The following PTPRD variants were observed in gnomAD, a reference collection of about 807,000 sequenced individuals.
PTPRD encodes the protein protein tyrosine phosphatase receptor type D, also known as receptor-type tyrosine-protein phosphatase delta.
In PTPRD, 34 loss-of-function variants were observed where a neutral mutation model predicts 214.5. That is an observed-to-expected ratio of 0.16 (90% CI 0.12 to 0.21). PTPRD has a LOEUF of 0.21. PTPRD is among the 10% of genes least tolerant of loss of function. PTPRD has a pLI of 1.00. For synonymous variants in PTPRD, 1,128 were observed against 845.7 expected, an observed-to-expected ratio of 1.33 and a Z score of -5.79; for missense variants, 2,545 against 2,398.7, an observed-to-expected ratio of 1.06 and a Z score of -1.27.
chr9:9,877,973 C>CAAA (rs758528718), intron 5 of PTPRD, among the ~76,000 whole-genome samples: 1,743 of 70,274 alleles, frequency 0.025, 86 homozygotes, highest in African/African-American at 0.084. Flanking sequence ...AACTCCATCT[C>CAAA]AAAAAAAAAA....
intron 7 of PTPRD, among the ~76,000 whole-genome samples, chr9:9,682,136 A>C (rs2097086947): frequency 6.6e-6 from 1 of 151,710 alleles, no homozygotes; most frequent in Non-Finnish European, 1.5e-5. Flanking sequence ...CCTGGCACTA[A>C]TCTTAATGAA....
Position 9,240,922 on chromosome 9 carries a change from T to C in PTPRD, c.-202-57559A>G, listed in dbSNP as rs1409463551. ...GGTTTTTATTTAAAAGCACTGTCAATCAGCTGAGGTCCAAACTTGTTTCTT... is the reference window on the plus strand; with the variant it reads ...GGTTTTTATTTAAAAGCACTGTCAACCAGCTGAGGTCCAAACTTGTTTCTT... On this transcript the variant is annotated intron_variant, in intron 9 of 45. Transcript: ENST00000381196. Among the ~76,000 whole-genome samples the C allele has an allele frequency of 2.0e-5, 3 of 152,238 alleles. No individual in the cohort carries two copies. In the East Asian group the frequency reaches 5.8e-4, roughly 29 times the overall value.
At chr9:8,976,690 A>T (rs1025856591) in intron 11 of PTPRD, among the ~76,000 whole-genome samples, 1 of 152,080 alleles carries the variant, frequency 6.6e-6, no homozygotes, top group African/African-American at 2.4e-5. Context: ...CATTTGATTC[A>T]TATTTTCCTT....
At chr9:8,580,539 C>G (rs1465688858) in intron 14 of PTPRD, among the ~76,000 whole-genome samples, 1 of 152,050 alleles carries the variant, frequency 6.6e-6, no homozygotes, top group Non-Finnish European at 1.5e-5. Flanking sequence ...GTAAAGATAC[C>G]AAAGTACGTG....
intron 7 of PTPRD, among the ~76,000 whole-genome samples, chr9:9,629,530 G>C (rs1434822030): frequency 6.6e-6 from 1 of 152,024 alleles, no homozygotes; most frequent in Admixed American, 6.6e-5. Context: ...ACCTATAGCT[G>C]AGAAATTAAA....
At chr9:10,065,671 T>A (rs1300090212) in intron 3 of PTPRD, among the ~76,000 whole-genome samples, 1 of 151,952 alleles carries the variant, frequency 6.6e-6, no homozygotes, top group Non-Finnish European at 1.5e-5. Context: ...TCAACCAATA[T>A]GTGGAAGAGC....
chr9:10,464,794 G>A (rs2131433935), intron 2 of PTPRD, among the ~76,000 whole-genome samples: 1 of 152,050 alleles, frequency 6.6e-6, no homozygotes, highest in Admixed American at 6.6e-5. Flanking sequence ...AATGTCAGTA[G>A]GCTAAAAACA....
In PTPRD at chr9:9,112,817, A is replaced by T. The variant is rs145595618; in HGVS notation, c.-143+70487T>A. On this transcript the variant is annotated intron_variant, in intron 10 of 45. Transcript: ENST00000381196. The stretch of plus-strand genomic sequence containing the variant: ...GATAACATAAAAGCAGATAAAATTC[A>T]TGGGACCATAGCAAATATGTTTCGT... Among the ~76,000 whole-genome samples, 542 of 152,310 alleles carry T rather than the reference A, an allele frequency of 3.6e-3. 2 individuals are homozygous for T. Among genetic ancestry groups the T allele is most frequent in the Non-Finnish European group, 6.1e-3 (412 of 68,012 alleles).
chr9:9,450,487 T>C (rs184214017), intron 8 of PTPRD, among the ~76,000 whole-genome samples: 1 of 152,070 alleles, frequency 6.6e-6, no homozygotes, highest in East Asian at 1.9e-4. Flanking sequence ...TATCTCACTG[T>C]GATTTTGATT....
intron 12 of PTPRD, among the ~76,000 whole-genome samples, chr9:8,714,312 TTTTTGTTTTG>T (rs1024779191): frequency 6.7e-6 from 1 of 148,414 alleles, no homozygotes. Flanking sequence ...ATTGGGTTTT[TTTTTGTTTTG>T]TTTTGTTTTG....
chr9:8,478,174 T>C (rs533654826), intron 30 of PTPRD, among the ~76,000 whole-genome samples: 2 of 152,328 alleles, frequency 1.3e-5, no homozygotes, highest in African/African-American at 4.8e-5. Context: ...ACAGGGTTAT[T>C]GTGAGTCTTA....
At chr9:8,500,456 A>C (rs980013635) in intron 24 of PTPRD, among the ~76,000 whole-genome samples, 96 of 150,786 alleles carry the variant, frequency 6.4e-4, no homozygotes, top group East Asian at 4.0e-4. Context: ...AAAACACAGA[A>C]GACTTTAGAT....
chr9:9,719,078 T>C (rs907943376), intron 7 of PTPRD, among the ~76,000 whole-genome samples: 1 of 152,114 alleles, frequency 6.6e-6, no homozygotes, highest in African/African-American at 2.4e-5. Flanking sequence ...TGAATGGTGC[T>C]TTTTCCAGGC....
At position 9,578,045 on chromosome 9, in the gene PTPRD, C is replaced by CAAAAAAAAAAAAAAAAAAAAAAAAAAAA; in HGVS notation, c.-286-3265_-286-3264insTTTTTTTTTTTTTTTTTTTTTTTTTTTT. Among the ~76,000 whole-genome samples, 2 of 102,422 alleles carry CAAAAAAAAAAAAAAAAAAAAAAAAAAAA rather than the reference C, an allele frequency of 2.0e-5. 1 individual carries two copies. Among genetic ancestry groups the CAAAAAAAAAAAAAAAAAAAAAAAAAAAA allele is most frequent in the South Asian group, 7.0e-4 (2 of 2,864 alleles). 67.2% of individuals were successfully genotyped at this position (102,422 alleles called of 152,430 possible). On this transcript the variant is annotated intron_variant, in intron 7 of 45. Transcript: ENST00000381196. ...TTGGTGACAGAGTAAGACTCTGTCT[C>CAAAAAAAAAAAAAAAAAAAAAAAAAAAA]AAAAAAAAAAAAAAAAAAAAAAAAA...
At chr9:9,750,434 A>G (rs763443530) in intron 6 of PTPRD, among the ~76,000 whole-genome samples, 3 of 152,122 alleles carry the variant, frequency 2.0e-5, no homozygotes, top group Non-Finnish European at 4.4e-5. Context: ...TCTACCCCAC[A>G]TTCTCTTTGA....
chr9:10,608,514 CT>C (rs1220398478), intron 2 of PTPRD, among the ~76,000 whole-genome samples: 2 of 152,092 alleles, frequency 1.3e-5, no homozygotes, highest in African/African-American at 2.4e-5. Context: ...ATGGCTGCCC[CT>C]AACTCCTACA....
intron 11 of PTPRD, among the ~76,000 whole-genome samples, chr9:8,910,334 G>T (rs1214111295): frequency 6.6e-6 from 1 of 152,056 alleles, no homozygotes; most frequent in Non-Finnish European, 1.5e-5. Flanking sequence ...ACCGCACCTG[G>T]CCTTTATGTA....
intron 11 of PTPRD, among the ~76,000 whole-genome samples, chr9:8,929,589 G>C (rs890794726): frequency 1.3e-5 from 2 of 151,488 alleles, no homozygotes; most frequent in African/African-American, 2.4e-5. Flanking sequence ...GATTCGGTTT[G>C]CCAGTATTTT....
At chr9:9,877,913 C>T (rs899457002) in intron 5 of PTPRD, among the ~76,000 whole-genome samples, 6 of 132,388 alleles carry the variant, frequency 4.5e-5, no homozygotes, top group South Asian at 2.5e-4. Flanking sequence ...GTGGAGGTTG[C>T]GGTGAGCTGA....
Sources: gnomAD v4.1 joint callset for allele counts (sites outside exome capture counted in the v4.1 genomes callset) on GRCh38, gnomAD v4.1.1 for gene constraint, MANE v1.5 for transcripts, NCBI Gene and HGNC (gene_info 2026-07-23, HGNC 2026-07-21) for gene names.